Variants in HAT1 observed in about 807,000 individuals in gnomAD.
HAT1 encodes histone acetyltransferase 1, also known as histone acetyltransferase type B catalytic subunit.
A neutral mutation model predicts 56.6 loss-of-function variants in HAT1; 20 were observed. The ratio of observed to expected loss-of-function variants is 0.35; its 90% CI spans 0.25 to 0.51. HAT1 has a LOEUF of 0.51. Among genes scored for constraint, HAT1 ranks in the 20% least tolerant of loss-of-function variants. The pLI is 0.95. For synonymous variants in HAT1, 146 were observed against 165.5 expected, an observed-to-expected ratio of 0.88 and a Z score of 0.91; for missense variants, 408 against 504.3, an observed-to-expected ratio of 0.81 and a Z score of 1.83.
intron 9 of HAT1, among the ~76,000 whole-genome samples, chr2:171,976,771 A>T (rs1214184515): frequency 6.6e-6 from 1 of 152,252 alleles, no homozygotes; most frequent in East Asian, 1.9e-4. Context: ...ATGGAAGTTC[A>T]GAGAAGAAAG....
chr2:171,932,306 G>T (rs914990559), intron 2 of HAT1, among the ~76,000 whole-genome samples: 1 of 152,050 alleles, frequency 6.6e-6, no homozygotes, highest in African/African-American at 2.4e-5. Flanking sequence ...GTTGGGAACT[G>T]TTTCTTCTCT....
intron 2 of HAT1, among the ~76,000 whole-genome samples, chr2:171,929,222 G>A (rs568371953): frequency 6.6e-6 from 1 of 152,142 alleles, no homozygotes; most frequent in African/African-American, 2.4e-5. Flanking sequence ...CATAACTAAT[G>A]CTATTAAGGA....
chr2:171,944,492 C>T (rs1687108506), intron 2 of HAT1, among the ~76,000 whole-genome samples: 2 of 152,192 alleles, frequency 1.3e-5, no homozygotes, highest in Admixed American at 1.3e-4. Context: ...AACAACACGA[C>T]TTGAACTGTG....
chr2:171,977,231 C>T (rs1225342339), intron 9 of HAT1, among the ~76,000 whole-genome samples: 1 of 150,310 alleles, frequency 6.7e-6, no homozygotes, highest in Non-Finnish European at 1.5e-5. Context: ...AATCCCAGCA[C>T]TTTGGGTGGA....
intron 2 of HAT1, among the ~76,000 whole-genome samples, chr2:171,926,577 G>A (rs192877512): frequency 6.6e-6 from 1 of 152,276 alleles, no homozygotes; most frequent in East Asian, 1.9e-4. Flanking sequence ...ACAGGCATGA[G>A]CCACCACGCC....
chr2:171,924,213 T>G (rs1329615722), intron 1 of HAT1: 1 of 151,758 alleles, frequency 6.6e-6, no homozygotes, highest in Non-Finnish European at 1.5e-5. Flanking sequence ...TTTACTGATT[T>G]TTTTTTTTTT....
rs562140331 is a variant in HAT1, at chr2:171,971,758, C to T, written c.824-4399C>T. Among the ~76,000 whole-genome samples, 6 of 152,110 alleles carry T rather than the reference C, an allele frequency of 3.9e-5. No individual in the cohort carries two copies. In the South Asian group the frequency reaches 1.2e-3, roughly 32 times the overall value. The stretch of plus-strand genomic sequence containing the variant: ...TGTCAAGTTTAGCCTGTCAAATATA[C>T]GAGTTGAATTTGTGGAACATATTTT... On this transcript the variant is annotated intron_variant, in intron 8 of 10. Coordinates refer to ENST00000264108, the MANE Select transcript of HAT1 (RefSeq NM_003642.4).
At chr2:171,975,546 T>C (rs1687939851) in intron 8 of HAT1, among the ~76,000 whole-genome samples, 1 of 152,230 alleles carries the variant, frequency 6.6e-6, no homozygotes, top group African/African-American at 2.4e-5. Context: ...TAAATGTCTC[T>C]GTTATAGTCA....
intron 2 of HAT1, among the ~76,000 whole-genome samples, chr2:171,939,467 C>T (rs1468238817): frequency 6.6e-6 from 1 of 152,170 alleles, no homozygotes; most frequent in Non-Finnish European, 1.5e-5. Flanking sequence ...GTGACCCATT[C>T]TGTGTCACTG....
chr2:171,970,408 A>G (rs985642480), intron 8 of HAT1, among the ~76,000 whole-genome samples: 1 of 151,378 alleles, frequency 6.6e-6, no homozygotes, highest in African/African-American at 2.4e-5. Flanking sequence ...GTCTCAAAAA[A>G]ACACACAGAT....
intron 2 of HAT1, among the ~76,000 whole-genome samples, chr2:171,932,866 C>CT (rs2105967121): frequency 6.6e-6 from 1 of 152,162 alleles, no homozygotes; most frequent in South Asian, 2.1e-4. Context: ...CAGACGCTGT[C>CT]TCAAAAAATA....
chr2:171,964,422 TG>T (rs913617178), intron 4 of HAT1, among the ~76,000 whole-genome samples: 2 of 152,164 alleles, frequency 1.3e-5, no homozygotes, highest in African/African-American at 4.8e-5. Context: ...GGAAAAAGTT[TG>T]AATAGAATAC....
chr2:171,942,474 TA>T (rs1687042562), intron 2 of HAT1, among the ~76,000 whole-genome samples: 1 of 152,210 alleles, frequency 6.6e-6, no homozygotes. Flanking sequence ...TCTGTTCACT[TA>T]ACTCTGCATT....
chr2:171,939,523 A>T (rs570078982), intron 2 of HAT1, among the ~76,000 whole-genome samples: 2 of 152,326 alleles, frequency 1.3e-5, no homozygotes, highest in African/African-American at 4.8e-5. Context: ...AAATCTCTGG[A>T]GCGGCTGTTG....
At chr2:171,928,005 G>C (rs750410437) in intron 2 of HAT1, among the ~76,000 whole-genome samples, 2 of 152,180 alleles carry the variant, frequency 1.3e-5, no homozygotes, top group Non-Finnish European at 2.9e-5. Context: ...TGGTGCCTCA[G>C]CCTCCCAAGT....
At chr2:171,956,865 A>G (rs1161443235) in intron 4 of HAT1, among the ~76,000 whole-genome samples, 1 of 152,210 alleles carries the variant, frequency 6.6e-6, no homozygotes, top group East Asian at 1.9e-4. Context: ...AGAAGACACT[A>G]GTTAGGATAT....
intron 8 of HAT1, among the ~76,000 whole-genome samples, chr2:171,967,265 CATT>C (rs1270357616): frequency 2.0e-5 from 3 of 152,032 alleles, no homozygotes; most frequent in Non-Finnish European, 4.4e-5. Flanking sequence ...CAAACAGTTG[CATT>C]ATTTAGAGGC....
At chr2:171,953,653 A>AAAAAAAAAAAAAAG in intron 4 of HAT1, among the ~76,000 whole-genome samples, 1 of 129,822 alleles carries the variant, frequency 7.7e-6, no homozygotes, top group Non-Finnish European at 1.7e-5. Context: ...AAAAAAAAAA[A>AAAAAAAAAAAAAAG]AATTAAGGTT....
At chr2:171,979,046 G>A (rs3791343) in intron 9 of HAT1, among the ~76,000 whole-genome samples, 12,530 of 152,022 alleles carry the variant, frequency 0.082, 802 homozygotes, top group Admixed American at 0.2. Flanking sequence ...AACTATGATC[G>A]TGCCACATTA....
Sources: gnomAD v4.1 joint callset for allele counts (sites outside exome capture counted in the v4.1 genomes callset) on GRCh38, gnomAD v4.1.1 for gene constraint, MANE v1.5 for transcripts, NCBI Gene and HGNC (gene_info 2026-07-23, HGNC 2026-07-21) for gene names.